AKAP13: variants seen among roughly 807,000 people sequenced by gnomAD.
AKAP13 encodes the protein A-kinase anchor protein 13.
In AKAP13, 80 loss-of-function variants were observed where a neutral mutation model predicts 264.5. The ratio of observed to expected loss-of-function variants is 0.30; its 90% CI spans 0.25 to 0.36. The LOEUF (loss-of-function observed/expected upper bound fraction) is 0.36. Ranked by LOEUF, AKAP13 falls within the 10% of genes least tolerant of loss-of-function variation. The pLI, the probability that AKAP13 is intolerant of heterozygous loss-of-function variation, is 1.00. For missense variants in AKAP13, 3,712 were observed against 3,435.2 expected (o/e 1.08, Z -2.01); for synonymous variants, 1,380 against 1,250.2 (o/e 1.10, Z -2.19).
chr15:85,663,897 T>A, intron 12 of AKAP13, among the ~76,000 whole-genome samples: 1 of 152,246 alleles, frequency 6.6e-6, no homozygotes, highest in East Asian at 1.9e-4. Flanking sequence ...TTACAACTCT[T>A]TCTACTCTTA....
chr15:85,521,523 C>T lies in AKAP13; in HGVS notation c.129C>T (p.His43=). ...TATTTTTGGGTTCCACCCTCCGTCA[C>T]TGTACAAGTACTCGGAAGGTCAGTT... The part of the protein sequence containing the change: ...YLVFLGSTLR[H]CTSTRKVSSD... Residue 43 remains histidine (H), a synonymous_variant, in exon 3 of 37, where the codon CAC becomes CAT. Coordinates refer to ENST00000394518, the MANE Select transcript of AKAP13 (RefSeq NM_007200.5). The T allele has an allele frequency of 6.2e-7, 1 of 1,614,192 alleles. No individual in the cohort carries two copies. Among genetic ancestry groups the T allele is most frequent in the Non-Finnish European group, 8.5e-7 (1 of 1,180,030 alleles).
At chr15:85,596,628 G>T (rs2151347989) in intron 8 of AKAP13, among the ~76,000 whole-genome samples, 1 of 152,160 alleles carries the variant, frequency 6.6e-6, no homozygotes, top group East Asian at 1.9e-4. Flanking sequence ...GGAATTTGGG[G>T]TTATGGAGGT....
chr15:85,721,731 TTTAA>T (rs1439822114), intron 23 of AKAP13, among the ~76,000 whole-genome samples: 1 of 152,276 alleles, frequency 6.6e-6, no homozygotes, highest in African/African-American at 2.4e-5. Flanking sequence ...ATAAAGTTTC[TTTAA>T]TTTTTTGTTG....
At chr15:85,726,832 G>C (rs182666248) in intron 27 of AKAP13, among the ~76,000 whole-genome samples, 2 of 152,184 alleles carry the variant, frequency 1.3e-5, no homozygotes, top group Admixed American at 6.5e-5. Context: ...GATTCATCGT[G>C]TGGAAAACAT....
chr15:85,541,673 T>C (rs1346667201), intron 4 of AKAP13, among the ~76,000 whole-genome samples: 1 of 152,252 alleles, frequency 6.6e-6, no homozygotes, highest in Non-Finnish European at 1.5e-5. Flanking sequence ...ATTAATTCTA[T>C]GAATCTGCCT....
chr15:85,551,020 G>A (rs910475102), intron 5 of AKAP13, among the ~76,000 whole-genome samples: 2 of 152,176 alleles, frequency 1.3e-5, no homozygotes, highest in Admixed American at 6.5e-5. Context: ...GTCCAAGGCC[G>A]TATAGTTAGT....
intron 1 of AKAP13, among the ~76,000 whole-genome samples, chr15:85,477,374 G>A (rs186920622): frequency 3.2e-4 from 48 of 151,966 alleles, no homozygotes; most frequent in South Asian, 1.5e-3. Context: ...CTACCTGTAA[G>A]TTCTTGTAAT....
intron 8 of AKAP13, among the ~76,000 whole-genome samples, chr15:85,614,498 G>A (rs371229528): frequency 9.1e-4 from 139 of 152,252 alleles, no homozygotes; most frequent in African/African-American, 2.3e-3. Flanking sequence ...AGTTGAGTCC[G>A]TTTAATGTAA....
intron 2 of AKAP13, among the ~76,000 whole-genome samples, chr15:85,507,428 A>G (rs1423037814): frequency 2.0e-5 from 3 of 152,050 alleles, no homozygotes; most frequent in African/African-American, 4.8e-5. Context: ...AGTAGTAACC[A>G]TATTTCCCAC....
chr15:85,710,741 GA>G, intron 19 of AKAP13, 96 bp downstream of exon 19: 1 of 1,321,592 alleles, frequency 7.6e-7, no homozygotes, highest in Non-Finnish European at 1.1e-6. Flanking sequence ...TCATAGTCAA[GA>G]TATGAATACC....
intron 1 of AKAP13, among the ~76,000 whole-genome samples, chr15:85,390,176 C>G (rs2070784478): frequency 1.3e-5 from 2 of 152,160 alleles, no homozygotes; most frequent in Non-Finnish European, 2.9e-5. Context: ...TCAGTGACAT[C>G]TGTAGTTGCT....
At chr15:85,666,733 C>T (rs1167591300) in intron 13 of AKAP13, among the ~76,000 whole-genome samples, 2 of 152,038 alleles carry the variant, frequency 1.3e-5, no homozygotes, top group Non-Finnish European at 2.9e-5. Context: ...TCTTTATCAC[C>T]ATCTAATCAT....
intron 8 of AKAP13, among the ~76,000 whole-genome samples, chr15:85,612,547 G>A (rs1171731568): frequency 2.6e-5 from 4 of 152,104 alleles, no homozygotes; most frequent in Non-Finnish European, 5.9e-5. Flanking sequence ...TAGATCAAGC[G>A]TGGTGGCTCA....
chr15:85,460,604 A>G (rs2074473767), intron 1 of AKAP13, among the ~76,000 whole-genome samples: 1 of 152,228 alleles, frequency 6.6e-6, no homozygotes, highest in Non-Finnish European at 1.5e-5. Flanking sequence ...TGAAGATATA[A>G]TTAAGATGAA....
At chr15:85,473,455 T>A (rs2075040362) in intron 1 of AKAP13, among the ~76,000 whole-genome samples, 1 of 152,192 alleles carries the variant, frequency 6.6e-6, no homozygotes, top group South Asian at 2.1e-4. Context: ...AAAGTCCAAA[T>A]AAACCCTCCA....
At chr15:85,462,607 C>T (rs999872731) in intron 1 of AKAP13, among the ~76,000 whole-genome samples, 1 of 152,174 alleles carries the variant, frequency 6.6e-6, no homozygotes, top group African/African-American at 2.4e-5. Context: ...ACATGTTAAA[C>T]TTAGCTGATA....
chr15:85,412,188 C>G (rs769193216), intron 1 of AKAP13, among the ~76,000 whole-genome samples: 2 of 152,174 alleles, frequency 1.3e-5, no homozygotes, highest in Non-Finnish European at 2.9e-5. Flanking sequence ...ACAAAACGGT[C>G]ATTGATACAG....
rs759738067 is a variant in AKAP13, at chr15:85,581,176, G to C, written c.3108G>C (p.Glu1036Asp). Residue 1036 changes from glutamate (E) to aspartate (D), a missense_variant, in exon 7 of 37, where the codon GAG becomes GAC. By Grantham distance (45) the Glu-to-Asp change is conservative. Around this residue, in one of 3 missense-constraint regions of AKAP13, gnomAD observed 2,759 missense variants for 2,411.7 expected, o/e 1.14. Coordinates refer to ENST00000394518, the MANE Select transcript of AKAP13 (RefSeq NM_007200.5). ...CAAGGCAGGAAGCCTTGGGGGCAGA[G>C]CACAACAGCTCCGCTCTGTTGCCAT... ...TESRQEALGAEHNSSALLPCL... is the reference protein window; with the variant it reads ...TESRQEALGADHNSSALLPCL... 1 of 1,614,192 alleles carries C rather than the reference G, an allele frequency of 6.2e-7. No individual in the cohort carries two copies. Among genetic ancestry groups the C allele is most frequent in the South Asian group, 1.1e-5 (1 of 91,088 alleles).
At position 85,583,766 on chromosome 15, in the gene AKAP13, A is replaced by T. The variant is rs117260739; in HGVS notation, c.4039+1659A>T. Among the ~76,000 whole-genome samples, 73 of 152,354 alleles carry T rather than the reference A, an allele frequency of 4.8e-4. 1 individual carries two copies. The East Asian group carries it at 7.1e-3, about 15-fold the overall frequency. ...AAAAGTAAAAACCAGGGAGAATTTC[A>T]GACTTTGATTTTTATTAGCACATAT... On this transcript the variant is annotated intron_variant, in intron 7 of 36. Coordinates refer to ENST00000394518, the MANE Select transcript of AKAP13 (RefSeq NM_007200.5).
Sources: allele counts gnomAD v4.1 joint callset (sites outside exome capture counted in the v4.1 genomes callset), GRCh38; gene constraint gnomAD v4.1.1; regional missense constraint gnomAD v4.1.1; transcripts MANE v1.5; gene names NCBI Gene and HGNC (gene_info 2026-07-23, HGNC 2026-07-21).